The following CDC20B variants were observed in gnomAD, a reference collection of about 807,000 sequenced individuals.
CDC20B encodes cell division cycle 20B.
CDC20B carries 58 observed loss-of-function variants against 64.1 expected under a neutral mutation model. The observed-to-expected ratio is 0.90, with a 90% CI of 0.73 to 1.13. CDC20B has a LOEUF of 1.13. Among genes scored for constraint, CDC20B ranks in the 50% most tolerant of loss-of-function variants. CDC20B has a pLI of 0.00. For missense variants in CDC20B, 597 were observed against 633.0 expected, an observed-to-expected ratio of 0.94 and a Z score of 0.61; for synonymous variants, 243 against 230.6, an observed-to-expected ratio of 1.05 and a Z score of -0.49.
In CDC20B at chr5:55,173,105, G is replaced by A. The variant is rs1744681045; in HGVS notation, c.-105C>T. On this transcript the variant is annotated 5_prime_UTR_variant, in exon 1 of 12. Transcript: ENST00000381375. ...CTTGACGCCTAATCGTCAAACCCCT[G>A]GAGTCCCGTCCCCCAGGACCATTCT... 5.4e-6 allele frequency: 5 copies of A among 928,200 alleles called. No individual in the cohort carries two copies. The South Asian group carries it at 5.8e-5, about 11-fold the overall frequency. 57.5% of individuals were successfully genotyped at this position (928,200 alleles called of 1,614,324 possible).
chr5:55,149,955 GA>G (rs1743614990), intron 2 of CDC20B, among the ~76,000 whole-genome samples: 1 of 152,132 alleles, frequency 6.6e-6, no homozygotes, highest in African/African-American at 2.4e-5. Context: ...CCAATATGAT[GA>G]AACCCCATCT....
intron 2 of CDC20B, among the ~76,000 whole-genome samples, chr5:55,169,597 G>A (rs1222468492): frequency 6.6e-6 from 1 of 152,128 alleles, no homozygotes; most frequent in East Asian, 1.9e-4. Context: ...AATATTTCAT[G>A]AACCTGTGAT....
chr5:55,120,448 G>C lies in CDC20B; in HGVS notation c.1318C>G (p.Gln440Glu). The C allele has an allele frequency of 1.9e-6, 3 of 1,613,760 alleles. No homozygotes were observed. The highest frequency in any genetic ancestry group is 2.5e-6 in the Non-Finnish European group (3 of 1,179,772). The change falls in exon 10 of 12, where the codon CAG (glutamine) becomes GAG (glutamate). Residue 440 changes from glutamine (Q) to glutamate (E), a missense_variant. Gln to Glu is a conservative substitution (Grantham distance 29). Transcript: ENST00000381375. ...ILDINAGKSIQTPSTNSQICS... is the reference protein window; with the variant it reads ...ILDINAGKSIETPSTNSQICS... ...ACCTGTGAGTTTGTGCTTGGGGTCT[G>C]GATGCTCTTCCCAGCATTTATATCC... is the stretch of plus-strand genomic sequence containing the variant.
chr5:55,119,670 G>A, intron 11 of CDC20B, 131 bp downstream of exon 11: 1 of 622,554 alleles, frequency 1.6e-6, no homozygotes, highest in South Asian at 2.0e-5. Context: ...GGTGGATGTA[G>A]GACTTTTTCC....
chr5:55,127,631 G>A (rs1008505740), intron 7 of CDC20B, among the ~76,000 whole-genome samples: 1 of 152,256 alleles, frequency 6.6e-6, no homozygotes, highest in Non-Finnish European at 1.5e-5. Flanking sequence ...GCCAAGGGTT[G>A]AGAATTATTA....
At chr5:55,142,554 GCAGCAAAAACTCCAAT>G (rs1482282194) in intron 4 of CDC20B, among the ~76,000 whole-genome samples, 1 of 152,090 alleles carries the variant, frequency 6.6e-6, no homozygotes, top group Non-Finnish European at 1.5e-5. Flanking sequence ...AAGGGGTAGG[GCAGCAAAAACTCCAAT>G]CAGCAGTAGA....
intron 5 of CDC20B, chr5:55,135,641 C>A (rs1476297665): frequency 6.6e-6 from 1 of 152,048 alleles, no homozygotes. Flanking sequence ...GCACAAAGTT[C>A]TAGCTAGAAG....
intron 2 of CDC20B, chr5:55,160,179 T>C (rs1743957678): frequency 6.2e-7 from 1 of 1,607,848 alleles, no homozygotes; most frequent in African/African-American, 1.3e-5. Context: ...GACTTCCCTC[T>C]AGAATCCTCC....
Position 55,146,663 on chromosome 5 carries a change from A to T in CDC20B, c.320T>A (p.Leu107Gln), listed in dbSNP as rs148902887. 2.7e-4 allele frequency: 434 copies of T among 1,614,142 alleles called. 5 individuals are homozygous for T. In the East Asian group the frequency reaches 8.1e-3, roughly 30 times the overall value. The change falls in exon 3 of 12, where the codon CTG (leucine) becomes CAG (glutamine). Residue 107 changes from leucine to glutamine, a missense_variant. Leu to Gln is a moderately radical substitution (Grantham distance 113). Around this residue, in one of 3 missense-constraint regions of CDC20B, gnomAD observed 241 missense variants for 219.2 expected, o/e 1.10. Coordinates refer to ENST00000381375, the MANE Select transcript of CDC20B (RefSeq NM_001170402.1). ...TYLPEASGSVLKTPPEKETLT... is the reference protein window; with the variant it reads ...TYLPEASGSVQKTPPEKETLT... The stretch of plus-strand genomic sequence containing the variant: ...GGTCTCTTTCTCAGGCGGTGTCTTC[A>T]GCACTGATCCGGAAGCTTCTGGGAG...
intron 3 of CDC20B, among the ~76,000 whole-genome samples, chr5:55,146,025 A>G (rs776124138): frequency 6.6e-6 from 1 of 152,228 alleles, no homozygotes; most frequent in Non-Finnish European, 1.5e-5. Context: ...ATATACATAT[A>G]CATTCATACA....
At chr5:55,121,571 A>G (rs1742757439) in intron 9 of CDC20B, among the ~76,000 whole-genome samples, 1 of 151,954 alleles carries the variant, frequency 6.6e-6, no homozygotes. Context: ...AGTACATTGT[A>G]ATGAATACAT....
chr5:55,137,681 G>C (rs1743220101), intron 5 of CDC20B: 1 of 456,574 alleles, frequency 2.2e-6, no homozygotes. Flanking sequence ...CAAGTTGGAG[G>C]AATGGCCATG....
chr5:55,137,542 A>G (rs1743213288), intron 5 of CDC20B: 1 of 456,566 alleles, frequency 2.2e-6, no homozygotes, highest in Non-Finnish European at 4.4e-6. Flanking sequence ...TCAACAACAG[A>G]GCCTTGCATA....
Position 55,114,007 on chromosome 5 carries a change from A to G in CDC20B, c.*211T>C. The G allele has an allele frequency of 1.3e-6, 1 of 784,594 alleles. No individual in the cohort carries two copies. The highest frequency in any genetic ancestry group is 1.9e-6 in the Non-Finnish European group (1 of 539,878). The allele number at this position is 784,594 out of a possible 1,614,324, so 48.6% of individuals were successfully genotyped here. A position where few individuals can be genotyped will look rare whatever the true frequency, so the allele number is the denominator to read the frequency against. On this transcript the variant is annotated 3_prime_UTR_variant, in exon 12 of 12. Coordinates refer to ENST00000381375, the MANE Select transcript of CDC20B (RefSeq NM_001170402.1). The surrounding 1 kb of genome is among the most constrained non-coding windows in gnomAD (Gnocchi z 4.1). ...GAAGAGGAGGGGGAGGAAGAGGGGC[A>G]GAAAGAAGAAAGCAGAGAAGAAAAG...
Position 55,173,027 on chromosome 5 carries a change from G to A in CDC20B, c.-27C>T, listed in dbSNP as rs1328968788. On this transcript the variant is annotated 5_prime_UTR_variant, in exon 1 of 12. The change creates a new upstream start codon in the 5' untranslated region. Coordinates refer to ENST00000381375, the MANE Select transcript of CDC20B (RefSeq NM_001170402.1). ...TCCGGCTGACTTCGCCCTGCCTGGC[G>A]TTTGGCCTCTCTGCTCGACTGCCTC... 3 of 1,599,696 alleles carry A rather than the reference G, an allele frequency of 1.9e-6. No homozygotes were observed. The highest frequency in any genetic ancestry group is 2.7e-5 in the African/African-American group (2 of 74,684).
chr5:55,125,072 A>G (rs1226653326), intron 8 of CDC20B, 44 bp from the exon 9 acceptor site: 6 of 1,455,612 alleles, frequency 4.1e-6, no homozygotes, highest in Non-Finnish European at 5.8e-6. Flanking sequence ...GTTGCTACAT[A>G]AACATTTGAA....
At chr5:55,129,815 G>T (rs964005481) in intron 6 of CDC20B, among the ~76,000 whole-genome samples, 1 of 152,126 alleles carries the variant, frequency 6.6e-6, no homozygotes, top group African/African-American at 2.4e-5. Context: ...CCCACAAATG[G>T]CAAGACAAAA....
At chr5:55,116,784 G>T (rs888660423) in intron 11 of CDC20B, among the ~76,000 whole-genome samples, 2 of 152,230 alleles carry the variant, frequency 1.3e-5, no homozygotes, top group African/African-American at 4.8e-5. Context: ...GAATAATGGT[G>T]GGGGGAAATC....
At chr5:55,148,564 A>G (rs532996208) in intron 2 of CDC20B, among the ~76,000 whole-genome samples, 1 of 152,302 alleles carries the variant, frequency 6.6e-6, no homozygotes, top group South Asian at 2.1e-4. Context: ...AAATACAAGA[A>G]TGAGTTGAGC....
Sources: allele counts gnomAD v4.1 joint callset (sites outside exome capture counted in the v4.1 genomes callset), GRCh38; gene constraint gnomAD v4.1.1; regional missense constraint gnomAD v4.1.1; non-coding constraint Gnocchi (gnomAD v3.1); transcripts MANE v1.5; gene names NCBI Gene and HGNC (gene_info 2026-07-23, HGNC 2026-07-21).